Variants in DOCK5 observed in about 807,000 individuals in gnomAD.
The protein encoded by DOCK5 is dedicator of cytokinesis protein 5.
DOCK5 carries 142 observed loss-of-function variants against 251.8 expected under a neutral mutation model. That is an observed-to-expected ratio of 0.56 (90% CI 0.49 to 0.65). DOCK5 has a LOEUF of 0.65. Among genes scored for constraint, DOCK5 ranks in the 30% least tolerant of loss-of-function variants. DOCK5 has a pLI of 0.00. For synonymous variants in DOCK5, 842 were observed against 835.5 expected, an observed-to-expected ratio of 1.01 and a Z score of -0.13; for missense variants, 2,111 against 2,312.3, an observed-to-expected ratio of 0.91 and a Z score of 1.79.
At chr8:25,229,460 G>A (rs939683419) in intron 1 of DOCK5, among the ~76,000 whole-genome samples, 7 of 150,086 alleles carry the variant, frequency 4.7e-5, no homozygotes, top group African/African-American at 1.5e-4. Flanking sequence ...CAGCCTGGGC[G>A]ACAAAGCTAG....
At position 25,299,046 on chromosome 8, in the gene DOCK5, G is replaced by A; in HGVS notation, c.709G>A (p.Glu237Lys). The change falls in exon 8 of 52, where the codon GAA becomes AAA. Residue 237 changes from glutamate (E) to lysine (K), a missense_variant. Glu to Lys is a moderately conservative substitution (Grantham distance 56, BLOSUM62 1). Coordinates refer to ENST00000276440, the MANE Select transcript of DOCK5 (RefSeq NM_024940.8). ...NFKNFVCNIGEDAELFMALYD... is the reference protein window; with the variant it reads ...NFKNFVCNIGKDAELFMALYD... ...CAAGAACTTTGTCTGCAACATCGGG[G>A]AAGATGCAGAGTTGTTTATGGCCCT... is the stretch of plus-strand genomic sequence containing the variant. The A allele has an allele frequency of 6.2e-7, 1 of 1,613,888 alleles. No individual in the cohort carries two copies. The highest frequency in any genetic ancestry group is 8.5e-7 in the Non-Finnish European group (1 of 1,179,874).
intron 15 of DOCK5, among the ~76,000 whole-genome samples, chr8:25,320,348 A>G (rs766036272): frequency 3.9e-5 from 6 of 152,216 alleles, no homozygotes; most frequent in Admixed American, 6.5e-5. Flanking sequence ...ACAGTTTTCT[A>G]TAGTTCATAT....
chr8:25,272,900 T>C (rs928783772), intron 3 of DOCK5, among the ~76,000 whole-genome samples: 8 of 152,146 alleles, frequency 5.3e-5, no homozygotes, highest in Non-Finnish European at 8.8e-5. Flanking sequence ...AGAACCCCCA[T>C]TGTACTTTCT....
At chr8:25,305,708 G>A (rs986899554) in intron 11 of DOCK5, among the ~76,000 whole-genome samples, 1 of 152,090 alleles carries the variant, frequency 6.6e-6, no homozygotes, top group Admixed American at 6.5e-5. Flanking sequence ...AATGCAAATC[G>A]AAACATCAAG....
chr8:25,243,288 T>C (rs368115018), intron 1 of DOCK5, among the ~76,000 whole-genome samples: 1 of 151,940 alleles, frequency 6.6e-6, no homozygotes, highest in South Asian at 2.1e-4. Context: ...AATTATTAAA[T>C]AGAGAGTTGT....
chr8:25,381,016 C>T (rs1315103616), intron 39 of DOCK5, among the ~76,000 whole-genome samples: 1 of 151,794 alleles, frequency 6.6e-6, no homozygotes, highest in Non-Finnish European at 1.5e-5. Context: ...AGACACCATT[C>T]TGAATGCCCA....
Position 25,336,290 on chromosome 8 carries a change from C to T in DOCK5, c.2244C>T (p.Ser748=). Residue 748 remains serine (S), a synonymous_variant, in exon 22 of 52, where the codon AGC becomes AGT. Transcript: ENST00000276440. ...ATGTGGCTAATGCAGATGACTCCAG[C>T]AAGACTGAACTGCTTTTTGCTGCGT... ...NFYVANADDS[S]KTELLFAALK... 6.2e-7 allele frequency: 1 copy of T among 1,613,922 alleles called. No individual in the cohort carries two copies. Among genetic ancestry groups the T allele is most frequent in the Non-Finnish European group, 8.5e-7 (1 of 1,179,840 alleles).
chr8:25,193,381 C>CTT lies in DOCK5; in HGVS notation c.43+8441_43+8442dup, dbSNP rs201838354. Among the ~76,000 whole-genome samples the CTT allele has an allele frequency of 1.7e-3, 247 of 142,862 alleles. 1 individual carries two copies. The highest frequency in any genetic ancestry group is 5.8e-3 in the African/African-American group (227 of 39,046). 93.7% of individuals were successfully genotyped at this position (142,862 alleles called of 152,430 possible). A position where few individuals can be genotyped will look rare whatever the true frequency, so the allele number is the denominator to read the frequency against. On this transcript the variant is annotated intron_variant, in intron 1 of 51. Coordinates refer to ENST00000276440, the MANE Select transcript of DOCK5 (RefSeq NM_024940.8). ...TTTTTTTTTTTAAGGCACATTACAG[C>CTT]TTTTTTTTTTTTGCATTTAGGTACT... is the stretch of plus-strand genomic sequence containing the variant.
At chr8:25,229,502 G>A (rs1273222407) in intron 1 of DOCK5, among the ~76,000 whole-genome samples, 4 of 151,154 alleles carry the variant, frequency 2.6e-5, no homozygotes, top group Non-Finnish European at 4.4e-5. Flanking sequence ...GTGCAGTTCC[G>A]GTGAATTTAA....
At chr8:25,290,218 G>A (rs1804451689) in intron 5 of DOCK5, among the ~76,000 whole-genome samples, 1 of 152,108 alleles carries the variant, frequency 6.6e-6, no homozygotes, top group Non-Finnish European at 1.5e-5. Context: ...AATCATTTAG[G>A]TCAGGGGTGT....
Position 25,268,863 on chromosome 8 carries a change from C to A in DOCK5, c.146C>A (p.Thr49Asn). The part of the protein sequence containing the change: ...EMYEGWYRGY[T>N]LQNKSKKGIF... ...CTGACAGGTTGGTACAGAGGATATA[C>A]CCTCCAAAATAAATCTAAAAAGGTA... Residue 49 changes from threonine (T) to asparagine (N), a missense_variant, in exon 3 of 52, where the codon ACC becomes AAC. Thr to Asn is a moderately conservative substitution (Grantham distance 65). Transcript: ENST00000276440. The A allele has an allele frequency of 6.4e-7, 1 of 1,563,276 alleles. No homozygotes were observed. Among genetic ancestry groups the A allele is most frequent in the Non-Finnish European group, 8.6e-7 (1 of 1,159,516 alleles).
intron 40 of DOCK5, among the ~76,000 whole-genome samples, chr8:25,386,911 C>T (rs144008882): frequency 3.2e-4 from 48 of 152,230 alleles, no homozygotes; most frequent in African/African-American, 1.0e-3. Flanking sequence ...ATGCCTACAT[C>T]GCAGGAAAGT....
In DOCK5 at chr8:25,352,071, G is replaced by A. The variant is rs184258964; in HGVS notation, c.2850+245G>A. ...AAAAAATTTAAAAAATTAGCTGGGT[G>A]TGGTGGTGGCACGTGCCTGTGGTTG... On this transcript the variant is annotated intron_variant, in intron 27 of 51. Coordinates refer to ENST00000276440, the MANE Select transcript of DOCK5 (RefSeq NM_024940.8). Among the ~76,000 whole-genome samples the A allele has an allele frequency of 1.3e-3, 195 of 152,082 alleles. 1 individual carries two copies. The highest frequency in any genetic ancestry group is 4.4e-3 in the African/African-American group (181 of 41,498).
At chr8:25,241,716 G>A (rs1379546541) in intron 1 of DOCK5, among the ~76,000 whole-genome samples, 1 of 152,052 alleles carries the variant, frequency 6.6e-6, no homozygotes. Flanking sequence ...TGTTTATTGT[G>A]GCACTATTCA....
intron 4 of DOCK5, among the ~76,000 whole-genome samples, chr8:25,277,821 C>G (rs1400783693): frequency 1.3e-5 from 2 of 152,198 alleles, no homozygotes; most frequent in Admixed American, 1.3e-4. Context: ...AAAAATCTTA[C>G]TATACCAGAA....
At chr8:25,356,992 G>C (rs919347616) in intron 27 of DOCK5, among the ~76,000 whole-genome samples, 2 of 147,412 alleles carry the variant, frequency 1.4e-5, no homozygotes, top group Non-Finnish European at 3.0e-5. Context: ...TTGTAATATA[G>C]GTGACAGGTG....
At chr8:25,266,406 G>A (rs1001823953) in intron 2 of DOCK5, among the ~76,000 whole-genome samples, 17 of 150,312 alleles carry the variant, frequency 1.1e-4, no homozygotes, top group Non-Finnish European at 1.9e-4. Flanking sequence ...TAGTAGAGAC[G>A]GGGTTTCACC....
chr8:25,309,396 C>G (rs1326300264), intron 12 of DOCK5, among the ~76,000 whole-genome samples: 1 of 151,978 alleles, frequency 6.6e-6, no homozygotes, highest in African/African-American at 2.4e-5. Flanking sequence ...ATTGCCCAGG[C>G]TGGTCTCAAC....
In DOCK5 at chr8:25,353,308, T is replaced by A. The variant is rs567830778; in HGVS notation, c.2850+1482T>A. On this transcript the variant is annotated intron_variant, in intron 27 of 51. Coordinates refer to ENST00000276440, the MANE Select transcript of DOCK5 (RefSeq NM_024940.8). ...TGAGCTATGATCTCGCCATTGCACT[T>A]CAGCCTGGGTGACTGAGTAAGACCC... Among the ~76,000 whole-genome samples the A allele has an allele frequency of 4.6e-5, 7 of 152,210 alleles. No individual in the cohort carries two copies. In the East Asian group the frequency reaches 1.2e-3, roughly 25 times the overall value.
Sources: gnomAD v4.1 joint callset for allele counts (sites outside exome capture counted in the v4.1 genomes callset) on GRCh38, gnomAD v4.1.1 for gene constraint, MANE v1.5 for transcripts, NCBI Gene and HGNC (gene_info 2026-07-23, HGNC 2026-07-21) for gene names.